The following ITPR1 variants were observed in gnomAD, a reference collection of about 807,000 sequenced individuals.
ITPR1 encodes the protein inositol 1,4,5-trisphosphate-gated calcium channel ITPR1.
Under a neutral mutation model 318.4 loss-of-function variants are expected in ITPR1, and 96 were observed. The ratio of observed to expected loss-of-function variants is 0.30; its 90% CI spans 0.26 to 0.36. The LOEUF is 0.36. Among genes scored for constraint, ITPR1 ranks in the 10% least tolerant of loss-of-function variants. The pLI, the probability that ITPR1 is intolerant of heterozygous loss-of-function variation, is 1.00. For synonymous variants in ITPR1, 1,312 were observed against 1,289.9 expected (o/e 1.02, Z -0.37); for missense variants, 2,440 against 3,460.2 (o/e 0.71, Z 7.40).
Position 4,605,803 on chromosome 3 carries a change from C to T in ITPR1, c.164-21960C>T, listed in dbSNP as rs56685673. On this transcript the variant is annotated intron_variant, in intron 4 of 61. Transcript: ENST00000649015. ...TATCGCTGAGGCCTAGAGTGTGAAG[C>T]TGGCGTGATTCCACTGGCCTTTCCT... Among the ~76,000 whole-genome samples the T allele has an allele frequency of 8.2e-3, 1,243 of 152,260 alleles. 20 individuals are homozygous for T. Among genetic ancestry groups the T allele is most frequent in the Middle Eastern group, 0.041 (12 of 294 alleles).
intron 26 of ITPR1, 30 bp from the exon 27 acceptor site, chr3:4,683,356 T>G (rs1263626484): frequency 1.2e-6 from 2 of 1,613,704 alleles, no homozygotes; most frequent in South Asian, 1.1e-5. Flanking sequence ...TGTCATTCAT[T>G]TGGCCTTTCC....
intron 4 of ITPR1, among the ~76,000 whole-genome samples, chr3:4,553,456 G>A (rs1258429248): frequency 2.7e-5 from 4 of 150,710 alleles, no homozygotes; most frequent in South Asian, 2.1e-4. Flanking sequence ...TTTGAGGGAG[G>A]GTCTTGCTGT....
At chr3:4,520,657 C>CT (rs1446197688) in intron 3 of ITPR1, among the ~76,000 whole-genome samples, 13 of 152,316 alleles carry the variant, frequency 8.5e-5, no homozygotes, top group African/African-American at 3.1e-4. Context: ...GAGCAAGGGC[C>CT]TGGCTCATAT....
At chr3:4,746,224 G>A (rs561922537) in intron 44 of ITPR1, among the ~76,000 whole-genome samples, 4 of 152,248 alleles carry the variant, frequency 2.6e-5, no homozygotes, top group South Asian at 2.1e-4. Context: ...TCTTCCACGC[G>A]GTTGTCAGTG....
At chr3:4,527,627 T>G (rs1206750730) in intron 4 of ITPR1, among the ~76,000 whole-genome samples, 3 of 152,170 alleles carry the variant, frequency 2.0e-5, no homozygotes, top group Admixed American at 1.3e-4. Context: ...AAAATGTTGG[T>G]GGAAGACCCC....
At chr3:4,612,748 G>T (rs1024673981) in intron 4 of ITPR1, among the ~76,000 whole-genome samples, 1 of 152,090 alleles carries the variant, frequency 6.6e-6, no homozygotes, top group Non-Finnish European at 1.5e-5. Flanking sequence ...TTAGCCAGGT[G>T]TGGTGGTGGG....
In ITPR1 at chr3:4,786,940, A is replaced by G. The variant is rs779343143; in HGVS notation, c.6616-1007A>G. On this transcript the variant is annotated intron_variant, in intron 51 of 61. Coordinates refer to ENST00000649015, the MANE Select transcript of ITPR1 (RefSeq NM_001378452.1). ...CTAGGAAAAATAACCCAATGTTACT[A>G]TCTGAGAAAGTGCCTTAAGTGAGAT... Among the ~76,000 whole-genome samples the G allele has an allele frequency of 1.2e-4, 19 of 152,328 alleles. 2 individuals are homozygous for G. Among genetic ancestry groups the G allele is most frequent in the Admixed American group, 6.5e-5 (1 of 15,294 alleles).
rs2125249427 is a variant in ITPR1 at position 4,693,573 on chromosome 3, A to G, written c.4113A>G (p.Glu1371=). The G allele has an allele frequency of 6.2e-7, 1 of 1,614,042 alleles. No homozygotes were observed. Among genetic ancestry groups the G allele is most frequent in the Non-Finnish European group, 8.5e-7 (1 of 1,179,890 alleles). ...CTCTGATCCAGATGATGCGGTCAGA[A>G]CGGGATCGGATGGATGAGAACAGCC... ...FQTLIQMMRS[E]RDRMDENSPL... is the part of the protein sequence containing the mutation. Residue 1371 remains glutamate (E), a synonymous_variant, in exon 33 of 62, where the codon GAA becomes GAG. Coordinates refer to ENST00000649015, the MANE Select transcript of ITPR1 (RefSeq NM_001378452.1).
Position 4,804,582 on chromosome 3 carries a change from G to A in ITPR1, c.7108-1521G>A, listed in dbSNP as rs547143552. Among the ~76,000 whole-genome samples, 197 of 152,244 alleles carry A rather than the reference G, an allele frequency of 1.3e-3. 1 individual carries two copies. Among genetic ancestry groups the A allele is most frequent in the South Asian group, 3.5e-3 (17 of 4,818 alleles). Reference sequence around the variant, plus strand: ...GGGGAGAATGGACTCAGGTGAAGTGGATCACCCTGTTGTTAAGTTGGCAGG... The same window carrying A: ...GGGGAGAATGGACTCAGGTGAAGTGAATCACCCTGTTGTTAAGTTGGCAGG... On this transcript the variant is annotated intron_variant, in intron 54 of 61. Transcript: ENST00000649015.
chr3:4,700,041 G>A, intron 35 of ITPR1, 100 bp downstream of exon 35: 2 of 1,039,740 alleles, frequency 1.9e-6, no homozygotes, highest in South Asian at 3.1e-5. Context: ...GAACTGGTCT[G>A]CAAGGCATTA....
Position 4,684,301 on chromosome 3 carries a change from A to G in ITPR1, c.3519A>G (p.Gln1173=), listed in dbSNP as rs749409643. 2 of 1,612,786 alleles carry G rather than the reference A, an allele frequency of 1.2e-6. No individual in the cohort carries two copies. The highest frequency in any genetic ancestry group is 1.7e-6 in the Non-Finnish European group (2 of 1,179,218). The stretch of plus-strand genomic sequence containing the variant: ...TCTAGGAGGGAAATAACAAGCCACA[A>G]AAGCATGAAAGCACCAGCAGCTACA... ...KKTEEGNNKP[Q]KHESTSSYNY... Residue 1173 remains glutamine, a synonymous_variant, in exon 29 of 62, where the codon CAA becomes CAG. Coordinates refer to ENST00000649015, the MANE Select transcript of ITPR1 (RefSeq NM_001378452.1).
At chr3:4,733,242 C>T (rs1173999330) in intron 43 of ITPR1, 22 bp downstream of exon 43, 2 of 1,612,046 alleles carry the variant, frequency 1.2e-6, no homozygotes, top group East Asian at 2.2e-5. Context: ...GGTGTAATTA[C>T]CTTCGTGTGT....
At position 4,670,477 on chromosome 3, in the gene ITPR1, C is replaced by T. The variant is rs549336946; in HGVS notation, c.2007-252C>T. ...CCACTTAGATGCCAGTAGCACCTCT[C>T]CATTTCGGTTGTGACAACCAAAAAC... On this transcript the variant is annotated intron_variant, in intron 19 of 61. Coordinates refer to ENST00000649015, the MANE Select transcript of ITPR1 (RefSeq NM_001378452.1). 1.4e-4 allele frequency among the ~76,000 whole-genome samples: 21 copies of T among 152,298 alleles called. No individual in the cohort carries two copies. The East Asian group carries it at 4.0e-3, about 29-fold the overall frequency.
At chr3:4,707,896 G>C (rs2094793231) in intron 37 of ITPR1, among the ~76,000 whole-genome samples, 1 of 152,102 alleles carries the variant, frequency 6.6e-6, no homozygotes, top group South Asian at 2.1e-4. Flanking sequence ...CTAGGCTCTG[G>C]GGATACAGTG....
At chr3:4,711,560 A>T in intron 38 of ITPR1, 197 bp from the exon 39 acceptor site, 1 of 551,140 alleles carries the variant, frequency 1.8e-6, no homozygotes, top group East Asian at 2.9e-5. Context: ...GCTGTGATTT[A>T]CCAGCAGGTG....
intron 26 of ITPR1, 39 bp from the exon 27 acceptor site, chr3:4,683,347 G>T (rs1348427392): frequency 1.2e-6 from 2 of 1,612,230 alleles, no homozygotes; most frequent in South Asian, 2.2e-5. Flanking sequence ...GGAGGCATTT[G>T]TCATTCATTT....
At chr3:4,498,404 T>G (rs1441343239) in intron 2 of ITPR1, among the ~76,000 whole-genome samples, 1 of 151,974 alleles carries the variant, frequency 6.6e-6, no homozygotes, top group East Asian at 1.9e-4. Flanking sequence ...GGAGTGTTTG[T>G]GACATGTTGG....
At chr3:4,500,602 CTTGAA>C (rs2080946179) in intron 2 of ITPR1, among the ~76,000 whole-genome samples, 1 of 152,208 alleles carries the variant, frequency 6.6e-6, no homozygotes, top group Non-Finnish European at 1.5e-5. Flanking sequence ...AAACTTAAAA[CTTGAA>C]TTTCCTAGGT....
intron 2 of ITPR1, among the ~76,000 whole-genome samples, chr3:4,502,428 T>A (rs1191135062): frequency 1.3e-5 from 2 of 152,036 alleles, no homozygotes; most frequent in Non-Finnish European, 2.9e-5. Context: ...AAAAACTAAT[T>A]TTTTGTACCC....
Sources: gnomAD v4.1 joint callset for allele counts (sites outside exome capture counted in the v4.1 genomes callset) on GRCh38, gnomAD v4.1.1 for gene constraint, MANE v1.5 for transcripts, NCBI Gene and HGNC (gene_info 2026-07-23, HGNC 2026-07-21) for gene names.